NEBL: variants seen among roughly 807,000 people sequenced by gnomAD.
The protein encoded by NEBL is LIM and SH3 protein 2.
NEBL carries 122 observed loss-of-function variants against 140.2 expected under a neutral mutation model. That is an observed-to-expected ratio of 0.87 (90% CI 0.75 to 1.01). The LOEUF (loss-of-function observed/expected upper bound fraction) is 1.01, where lower values mean the gene tolerates loss of function less well. Among genes scored for constraint, NEBL ranks in the 50% least tolerant of loss-of-function variants. The pLI is 0.00. For missense variants in NEBL, 1,365 were observed against 1,231.3 expected (o/e 1.11, Z -1.62); for synonymous variants, 436 against 398.9 (o/e 1.09, Z -1.11).
At chr10:21,188,357 C>T in intron 3 of NEBL, among the ~76,000 whole-genome samples, 1 of 152,228 alleles carries the variant, frequency 6.6e-6, no homozygotes, top group Middle Eastern at 3.4e-3. Flanking sequence ...AGATCTGGAA[C>T]ACTAAGAAAA....
intron 2 of NEBL, chr10:21,069,823 C>A: frequency 5.6e-6 from 2 of 357,602 alleles, no homozygotes; most frequent in South Asian, 4.3e-5. Context: ...CATTATCTAA[C>A]TGTATCTAAT....
intron 1 of NEBL, among the ~76,000 whole-genome samples, chr10:21,272,148 G>A (rs1339961496): frequency 3.2e-5 from 2 of 62,154 alleles, no homozygotes; most frequent in African/African-American, 1.8e-4. Context: ...TTTTTTTTTA[G>A]TAGAGACGGG....
intron 4 of NEBL, among the ~76,000 whole-genome samples, chr10:20,929,485 G>A (rs1003534685): frequency 3.9e-5 from 6 of 152,062 alleles, no homozygotes; most frequent in African/African-American, 1.2e-4. Flanking sequence ...TGATACAAAC[G>A]TTCATGCCTA....
intron 3 of NEBL, among the ~76,000 whole-genome samples, chr10:21,219,601 A>C (rs1379663565): frequency 1.3e-5 from 2 of 152,186 alleles, no homozygotes; most frequent in African/African-American, 2.4e-5. Context: ...GTTTCATATG[A>C]ATTCTAGGAC....
At chr10:21,112,092 A>T (rs1769058264) in intron 2 of NEBL, among the ~76,000 whole-genome samples, 1 of 152,226 alleles carries the variant, frequency 6.6e-6, no homozygotes. Context: ...AGGAAACAAC[A>T]GATGCTGGAG....
intron 3 of NEBL, among the ~76,000 whole-genome samples, chr10:21,231,579 G>C (rs1289421199): frequency 6.6e-6 from 1 of 151,848 alleles, no homozygotes; most frequent in Non-Finnish European, 1.5e-5. Context: ...AAAGAAAAGA[G>C]GATAATGAGA....
At chr10:21,082,224 T>C (rs948667610) in intron 2 of NEBL, among the ~76,000 whole-genome samples, 1 of 152,064 alleles carries the variant, frequency 6.6e-6, no homozygotes, top group African/African-American at 2.4e-5. Context: ...AGGAACATGA[T>C]GATTGAGTAC....
At chr10:21,277,120 CCCTGTCTCA>C (rs1842934588) in intron 1 of NEBL, among the ~76,000 whole-genome samples, 1 of 151,946 alleles carries the variant, frequency 6.6e-6, no homozygotes, top group African/African-American at 2.4e-5. Flanking sequence ...CAGAAGAAGA[CCCTGTCTCA>C]AAAACAAAAA....
rs529597399 is a variant in NEBL at position 21,006,479 on chromosome 10, ACCACTCT to A, written c.249+13631_249+13637del. ...TCCATAATCTTTCTGTGACAATGCCACCACTCTCCGTGAGACCTGTAAATCCAACCAG... is the reference window on the plus strand; with the variant it reads ...TCCATAATCTTTCTGTGACAATGCCACCGTGAGACCTGTAAATCCAACCAG... On this transcript the variant is annotated intron_variant, in intron 3 of 6. Transcript: ENST00000417816. Among the ~76,000 whole-genome samples, 200 of 152,328 alleles carry A rather than the reference ACCACTCT, an allele frequency of 1.3e-3. 1 individual carries two copies. Among genetic ancestry groups the A allele is most frequent in the African/African-American group, 4.6e-3 (193 of 41,578 alleles).
Position 21,056,016 on chromosome 10 carries a change from C to T in NEBL, c.165-35815G>A, listed in dbSNP as rs567490529. ...GTTCATCCCAATGCAGACCAGTGAACTATATTCAGAGTCCTGCCTTAACAT... is the reference window on the plus strand; with the variant it reads ...GTTCATCCCAATGCAGACCAGTGAATTATATTCAGAGTCCTGCCTTAACAT... On this transcript the variant is annotated intron_variant, in intron 2 of 6. Transcript: ENST00000417816. 5.1e-4 allele frequency among the ~76,000 whole-genome samples: 77 copies of T among 152,160 alleles called. 1 individual carries two copies. Among genetic ancestry groups the T allele is most frequent in the Non-Finnish European group, 9.7e-4 (66 of 68,028 alleles).
upstream of NEBL, among the ~76,000 whole-genome samples, chr10:20,900,271 T>C (rs1194753208): frequency 6.6e-6 from 1 of 152,210 alleles, no homozygotes; most frequent in Non-Finnish European, 1.5e-5. Context: ...ATGGCTAAAC[T>C]CTCAAAGTCC....
At chr10:21,030,522 G>A (rs1304255319) in intron 2 of NEBL, 3 of 805,834 alleles carry the variant, frequency 3.7e-6, no homozygotes, top group Middle Eastern at 2.7e-4. Context: ...GCTTGGTGAA[G>A]TGAGGTTCTA....
chr10:21,019,806 A>C (rs1838708128), intron 3 of NEBL, among the ~76,000 whole-genome samples: 1 of 152,218 alleles, frequency 6.6e-6, no homozygotes, highest in South Asian at 2.1e-4. Flanking sequence ...TGGAAAAGCT[A>C]TTTGTAAAAT....
intron 7 of NEBL, among the ~76,000 whole-genome samples, chr10:20,864,694 T>G (rs962802589): frequency 6.6e-6 from 1 of 152,218 alleles, no homozygotes; most frequent in Non-Finnish European, 1.5e-5. Flanking sequence ...TTGCCTTCTA[T>G]GTATTTATGT....
chr10:20,958,057 T>C (rs1288828424), intron 4 of NEBL, among the ~76,000 whole-genome samples: 3 of 152,174 alleles, frequency 2.0e-5, no homozygotes, highest in African/African-American at 7.2e-5. Context: ...CTGCTGCAGG[T>C]ACCCTGAATG....
At chr10:21,057,775 G>A (rs942722583) in intron 2 of NEBL, among the ~76,000 whole-genome samples, 1 of 151,830 alleles carries the variant, frequency 6.6e-6, no homozygotes, top group African/African-American at 2.4e-5. Flanking sequence ...TGCCCAGGCT[G>A]GTCTCAAACT....
chr10:21,073,299 G>A (rs1835901430), intron 2 of NEBL, among the ~76,000 whole-genome samples: 1 of 151,278 alleles, frequency 6.6e-6, no homozygotes, highest in South Asian at 2.1e-4. Context: ...CTCCAGCCTG[G>A]GCAACAGAGT....
At chr10:21,266,711 A>C (rs1341794434) in intron 1 of NEBL, among the ~76,000 whole-genome samples, 2 of 152,214 alleles carry the variant, frequency 1.3e-5, no homozygotes, top group African/African-American at 4.8e-5. Context: ...CAGGGGAAGC[A>C]CTAAGGTGAG....
intron 1 of NEBL, among the ~76,000 whole-genome samples, chr10:21,273,141 C>T (rs961085675): frequency 6.6e-6 from 1 of 152,054 alleles, no homozygotes; most frequent in Non-Finnish European, 1.5e-5. Flanking sequence ...GCTTGTGGGC[C>T]CTCGGAGGAG....
Sources: allele counts gnomAD v4.1 joint callset (sites outside exome capture counted in the v4.1 genomes callset), GRCh38; gene constraint gnomAD v4.1.1; transcripts MANE v1.5; gene names NCBI Gene and HGNC (gene_info 2026-07-23, HGNC 2026-07-21).